Variants in DLGAP1 observed in about 807,000 individuals in gnomAD.
The protein encoded by DLGAP1 is DLG associated protein 1.
Under a neutral mutation model 90.8 loss-of-function variants are expected in DLGAP1, and 11 were observed. That is an observed-to-expected ratio of 0.12 (90% CI 0.08 to 0.20). DLGAP1 has a LOEUF of 0.20. DLGAP1 is among the 10% of genes least tolerant of loss of function. The pLI, the probability that DLGAP1 is intolerant of heterozygous loss-of-function variation, is 1.00. For synonymous variants in DLGAP1, 558 were observed against 540.7 expected (o/e 1.03, Z -0.44); for missense variants, 1,050 against 1,333.8 (o/e 0.79, Z 3.31).
chr18:3,920,352 CAA>C (rs34353326), intron 3 of DLGAP1, among the ~76,000 whole-genome samples: 33 of 75,526 alleles, frequency 4.4e-4, no homozygotes, highest in African/African-American at 1.5e-3. Context: ...AGACTCTGTC[CAA>C]AAAAAAAAAA....
At chr18:4,449,744 A>G (rs1337216771) in intron 1 of DLGAP1, among the ~76,000 whole-genome samples, 1 of 152,188 alleles carries the variant, frequency 6.6e-6, no homozygotes, top group Admixed American at 6.5e-5. Context: ...AAAAAGGAAT[A>G]AAGTGCTAAA....
At chr18:3,596,710 G>A (rs1386519984) in intron 7 of DLGAP1, 10 of 425,872 alleles carry the variant, frequency 2.3e-5, no homozygotes, top group Admixed American at 1.2e-4. Context: ...ACATGAAGGC[G>A]TGAACAGGGA....
At chr18:4,044,109 G>A (rs2075014921) in intron 2 of DLGAP1, among the ~76,000 whole-genome samples, 2 of 152,174 alleles carry the variant, frequency 1.3e-5, no homozygotes, top group African/African-American at 2.4e-5. Context: ...GATATGAAAT[G>A]TCTTCCAGGA....
intron 3 of DLGAP1, among the ~76,000 whole-genome samples, chr18:3,926,415 T>TACAC (rs1249353702): frequency 8.1e-6 from 1 of 122,718 alleles, no homozygotes; most frequent in African/African-American, 2.9e-5. Flanking sequence ...TATATATATA[T>TACAC]ATATATACAC....
chr18:4,121,384 C>G (rs1028737991), intron 2 of DLGAP1, among the ~76,000 whole-genome samples: 2 of 152,098 alleles, frequency 1.3e-5, no homozygotes, highest in Non-Finnish European at 2.9e-5. Flanking sequence ...GAACCTTCTC[C>G]TAGGCCCATC....
chr18:3,874,635 T>C, intron 4 of DLGAP1: 1 of 1,535,532 alleles, frequency 6.5e-7, no homozygotes, highest in Non-Finnish European at 8.7e-7. Flanking sequence ...CCATAAATGC[T>C]TTATTCCAAA....
At chr18:4,232,284 T>A (rs76924752) in intron 1 of DLGAP1, among the ~76,000 whole-genome samples, 3 of 152,160 alleles carry the variant, frequency 2.0e-5, no homozygotes, top group Non-Finnish European at 4.4e-5. Context: ...AATTTTTTTT[T>A]AAAATCACAT....
chr18:3,535,072 CTG>C (rs111975324), intron 9 of DLGAP1, among the ~76,000 whole-genome samples: 15,991 of 144,430 alleles, frequency 0.11, 903 homozygotes, highest in Admixed American at 0.15. Context: ...TCAATCTTCT[CTG>C]TGTGTGTGTG....
chr18:3,550,510 A>G (rs1010905747), intron 9 of DLGAP1, among the ~76,000 whole-genome samples: 3 of 152,072 alleles, frequency 2.0e-5, no homozygotes, highest in Admixed American at 6.6e-5. Context: ...ACAGGTGTGA[A>G]CCACTGCACC....
At chr18:3,714,302 ATC>A (rs1421678671) in intron 7 of DLGAP1, among the ~76,000 whole-genome samples, 4 of 152,218 alleles carry the variant, frequency 2.6e-5, no homozygotes, top group African/African-American at 9.7e-5. Flanking sequence ...TTTGGAAAGA[ATC>A]ACTACAAACT....
intron 6 of DLGAP1, among the ~76,000 whole-genome samples, chr18:3,740,757 CT>C (rs1210269279): frequency 1.3e-4 from 19 of 150,734 alleles, no homozygotes; most frequent in Admixed American, 1.2e-3. Context: ...ACCACCACCA[CT>C]GTCACCATCA....
intron 1 of DLGAP1, among the ~76,000 whole-genome samples, chr18:4,336,293 G>A (rs778485253): frequency 6.6e-6 from 1 of 152,192 alleles, no homozygotes; most frequent in Non-Finnish European, 1.5e-5. Context: ...GAAATCTAAT[G>A]TGGTCCATAG....
At chr18:4,257,656 G>A (rs187104894) in intron 1 of DLGAP1, among the ~76,000 whole-genome samples, 44 of 147,454 alleles carry the variant, frequency 3.0e-4, no homozygotes, top group African/African-American at 1.1e-3. Flanking sequence ...ATGGAGTGTC[G>A]CTCTGTCGCC....
At chr18:4,434,897 A>T (rs1173800109) in intron 1 of DLGAP1, among the ~76,000 whole-genome samples, 5 of 152,224 alleles carry the variant, frequency 3.3e-5, no homozygotes, top group Non-Finnish European at 5.9e-5. Context: ...CGTGTTATTT[A>T]GGAAATGACA....
intron 7 of DLGAP1, among the ~76,000 whole-genome samples, chr18:3,600,945 TATATAGATATATATAGATATATAG>T (rs2056957813): frequency 1.0e-5 from 1 of 96,232 alleles, no homozygotes; most frequent in African/African-American, 3.7e-5. Context: ...TATAGATAGA[TATATAGATATATATAGATATATAG>T]ATAGATATAT....
At chr18:3,909,624 C>T (rs1568294741) in intron 3 of DLGAP1, among the ~76,000 whole-genome samples, 1 of 152,178 alleles carries the variant, frequency 6.6e-6, no homozygotes, top group East Asian at 1.9e-4. Context: ...CTCTCTTTCT[C>T]TTTCTCTTGA....
At chr18:4,067,321 C>A (rs56346642) in intron 2 of DLGAP1, among the ~76,000 whole-genome samples, 65,430 of 150,832 alleles carry the variant, frequency 0.43, 15,080 homozygotes, top group African/African-American at 0.59. Context: ...TACCCCTGAA[C>A]TTAAATAAAA....
intron 9 of DLGAP1, among the ~76,000 whole-genome samples, chr18:3,549,496 C>A (rs1368354410): frequency 6.6e-6 from 1 of 152,116 alleles, no homozygotes; most frequent in East Asian, 1.9e-4. Flanking sequence ...CCACACCCAG[C>A]TAATTTTTGT....
chr18:3,625,617 T>C (rs1032568641), intron 7 of DLGAP1, among the ~76,000 whole-genome samples: 33 of 152,046 alleles, frequency 2.2e-4, no homozygotes, highest in African/African-American at 8.0e-4. Flanking sequence ...CTAAGAAGAG[T>C]AATGTTCTTA....
Sources: allele counts gnomAD v4.1 joint callset (sites outside exome capture counted in the v4.1 genomes callset), GRCh38; gene constraint gnomAD v4.1.1; transcripts MANE v1.5; gene names NCBI Gene and HGNC (gene_info 2026-07-23, HGNC 2026-07-21).